RAPGEF4: variants seen among roughly 807,000 people sequenced by gnomAD.
RAPGEF4 encodes the protein Rap guanine nucleotide exchange factor 4.
RAPGEF4 carries 66 observed loss-of-function variants against 147.9 expected under a neutral mutation model. The observed-to-expected ratio is 0.45, with a 90% CI of 0.37 to 0.55. The LOEUF is 0.55. Among genes scored for constraint, RAPGEF4 ranks in the 20% least tolerant of loss-of-function variants. RAPGEF4 has a pLI of 0.00. For missense variants in RAPGEF4, 1,071 were observed against 1,257.3 expected (o/e 0.85, Z 2.24); for synonymous variants, 419 against 442.7 (o/e 0.95, Z 0.67).
chr2:172,762,454 C>A (rs1696438877), intron 1 of RAPGEF4, among the ~76,000 whole-genome samples: 1 of 152,192 alleles, frequency 6.6e-6, no homozygotes, highest in East Asian at 1.9e-4. Flanking sequence ...GAAAAAATTT[C>A]TTTGATCAAG....
intron 6 of RAPGEF4, among the ~76,000 whole-genome samples, chr2:172,950,486 GT>G (rs1400530215): frequency 6.6e-6 from 1 of 152,060 alleles, no homozygotes; most frequent in Non-Finnish European, 1.5e-5. Flanking sequence ...AATGGAGTGT[GT>G]TTTTTTCCTG....
chr2:172,954,410 A>G (rs1254123037), intron 6 of RAPGEF4, among the ~76,000 whole-genome samples: 2 of 152,098 alleles, frequency 1.3e-5, no homozygotes, highest in African/African-American at 4.8e-5. Flanking sequence ...GACAACTTTC[A>G]AGCTCTTTAC....
rs1411550902 is a variant in RAPGEF4 at position 173,018,751 on chromosome 2, A to G, written c.2104A>G (p.Lys702Glu). 1.9e-6 allele frequency: 3 copies of G among 1,614,118 alleles called. No individual in the cohort carries two copies. Among genetic ancestry groups the G allele is most frequent in the Admixed American group, 1.7e-5 (1 of 60,018 alleles). ...GGAAGTCATCAGTGCAGTTGCCGAC[A>G]AGCTGGGCTCCGGGGAGGGCCTGAT... Reference protein sequence around the residue: ...VKEVISAVADKLGSGEGLIIV... With the variant: ...VKEVISAVADELGSGEGLIIV... The change falls in exon 22 of 31, where the codon AAG becomes GAG. Residue 702 changes from lysine (K) to glutamate (E), a missense_variant. Lys to Glu is a moderately conservative substitution (Grantham distance 56, BLOSUM62 1). Coordinates refer to ENST00000397081, the MANE Select transcript of RAPGEF4 (RefSeq NM_007023.4).
chr2:173,027,009 G>T, intron 24 of RAPGEF4, 72 bp from the exon 25 acceptor site: 1 of 1,368,594 alleles, frequency 7.3e-7, no homozygotes, highest in South Asian at 1.5e-5. Flanking sequence ...ACACTGTCTT[G>T]ACAAATAGAG....
At chr2:172,935,463 G>C (rs1407095032) in intron 6 of RAPGEF4, among the ~76,000 whole-genome samples, 1 of 152,132 alleles carries the variant, frequency 6.6e-6, no homozygotes, top group African/African-American at 2.4e-5. Flanking sequence ...AGGAATGATG[G>C]GAAATGAGAG....
intron 3 of RAPGEF4, among the ~76,000 whole-genome samples, chr2:172,810,638 C>T (rs1478952797): frequency 1.3e-5 from 2 of 152,190 alleles, no homozygotes; most frequent in Non-Finnish European, 2.9e-5. Flanking sequence ...TTCCCATCAG[C>T]CCTTGTTATC....
At chr2:172,746,322 C>T (rs1234080256) in intron 1 of RAPGEF4, among the ~76,000 whole-genome samples, 2 of 152,112 alleles carry the variant, frequency 1.3e-5, no homozygotes, top group South Asian at 2.1e-4. Flanking sequence ...AATGGTGTTC[C>T]GTCTCTTCTC....
At chr2:172,997,744 A>C (rs1433773542) in intron 16 of RAPGEF4, among the ~76,000 whole-genome samples, 1 of 152,200 alleles carries the variant, frequency 6.6e-6, no homozygotes, top group Non-Finnish European at 1.5e-5. Context: ...TTTCTCACTA[A>C]AAGAAGTTCA....
At chr2:172,996,156 C>T (rs73971808) in intron 15 of RAPGEF4, among the ~76,000 whole-genome samples, 1 of 152,042 alleles carries the variant, frequency 6.6e-6, no homozygotes, top group African/African-American at 2.4e-5. Flanking sequence ...CCTTTTTATT[C>T]TCCTTTGGAA....
intron 4 of RAPGEF4, among the ~76,000 whole-genome samples, chr2:172,905,871 A>T (rs1699573857): frequency 6.6e-6 from 1 of 152,258 alleles, no homozygotes; most frequent in African/African-American, 2.4e-5. Context: ...GGAATCCAGG[A>T]ACAAGGAAAC....
At chr2:172,747,957 G>C (rs1358102334) in intron 1 of RAPGEF4, among the ~76,000 whole-genome samples, 1 of 152,142 alleles carries the variant, frequency 6.6e-6, no homozygotes, top group Admixed American at 6.5e-5. Flanking sequence ...TTAGCGTACT[G>C]TCCTTTAGGT....
At chr2:172,979,667 G>A (rs745876628) in intron 10 of RAPGEF4, among the ~76,000 whole-genome samples, 9 of 152,168 alleles carry the variant, frequency 5.9e-5, no homozygotes, top group South Asian at 2.1e-4. Context: ...AATAACATTC[G>A]TGACAGTATG....
chr2:172,815,600 GC>G (rs1688425640), intron 4 of RAPGEF4, among the ~76,000 whole-genome samples: 1 of 152,178 alleles, frequency 6.6e-6, no homozygotes, highest in Non-Finnish European at 1.5e-5. Context: ...AGGCAAATAA[GC>G]CACTTTTTGG....
Position 172,834,623 on chromosome 2 carries a change from CTTCTAA to C in RAPGEF4, c.444+20201_444+20206del, listed in dbSNP as rs1398460493. 2.0e-5 allele frequency among the ~76,000 whole-genome samples: 3 copies of C among 152,136 alleles called. No individual in the cohort carries two copies. The East Asian group carries it at 5.8e-4, about 29-fold the overall frequency. On this transcript the variant is annotated intron_variant, in intron 4 of 30. Coordinates refer to ENST00000397081, the MANE Select transcript of RAPGEF4 (RefSeq NM_007023.4). Reference sequence around the variant, plus strand: ...CAACTGCTTTTTTCTTCTTCTTCTTCTTCTAATTGGAACATTTGGGATTTCAGGTTT... The same window carrying C: ...CAACTGCTTTTTTCTTCTTCTTCTTCTTGGAACATTTGGGATTTCAGGTTT...
intron 4 of RAPGEF4, among the ~76,000 whole-genome samples, chr2:172,849,142 T>C (rs1202648806): frequency 6.6e-6 from 1 of 152,058 alleles, no homozygotes; most frequent in Non-Finnish European, 1.5e-5. Context: ...GCCAGACAAC[T>C]TGATTCAGTC....
At chr2:173,041,433 GT>G (rs1238506804) in intron 29 of RAPGEF4, among the ~76,000 whole-genome samples, 1 of 152,158 alleles carries the variant, frequency 6.6e-6, no homozygotes, top group Non-Finnish European at 1.5e-5. Context: ...ACAACATAAT[GT>G]GTGGAGTGTC....
At chr2:172,959,980 G>A (rs1030842162) in intron 6 of RAPGEF4, among the ~76,000 whole-genome samples, 1 of 152,134 alleles carries the variant, frequency 6.6e-6, no homozygotes, top group Non-Finnish European at 1.5e-5. Context: ...AGGTGCTTGG[G>A]AAGCTGAGGT....
chr2:172,956,588 G>A (rs1418656428), intron 6 of RAPGEF4, among the ~76,000 whole-genome samples: 2 of 151,136 alleles, frequency 1.3e-5, no homozygotes, highest in Non-Finnish European at 2.9e-5. Context: ...TCCTGCCTCA[G>A]CCTCCCAAGT....
intron 17 of RAPGEF4, among the ~76,000 whole-genome samples, chr2:173,003,250 C>T (rs1026466915): frequency 1.3e-4 from 17 of 130,586 alleles, no homozygotes; most frequent in Non-Finnish European, 1.2e-4. Context: ...AGAGAAGGTC[C>T]GTTCCATGCC....
Sources: gnomAD v4.1 joint callset for allele counts (sites outside exome capture counted in the v4.1 genomes callset) on GRCh38, gnomAD v4.1.1 for gene constraint, MANE v1.5 for transcripts, NCBI Gene and HGNC (gene_info 2026-07-23, HGNC 2026-07-21) for gene names.